The following SEM1 variants were observed in gnomAD, a reference collection of about 807,000 sequenced individuals.
The protein encoded by SEM1 is SEM1 26S proteasome subunit, also known as 26S proteasome complex subunit SEM1.
SEM1 carries 3 observed loss-of-function variants against 12.7 expected under a neutral mutation model. The ratio of observed to expected loss-of-function variants is 0.24; its 90% CI spans 0.11 to 0.61. The LOEUF is 0.61. Ranked by LOEUF, SEM1 falls within the 20% of genes least tolerant of loss-of-function variation. The pLI is 0.88. For synonymous variants in SEM1, 30 were observed against 27.8 expected, an observed-to-expected ratio of 1.08 and a Z score of -0.25; for missense variants, 59 against 81.3, an observed-to-expected ratio of 0.73 and a Z score of 1.06.
chr7:96,606,840 G>C (rs918996338), intron 2 of SEM1, among the ~76,000 whole-genome samples: 7 of 152,028 alleles, frequency 4.6e-5, no homozygotes, highest in African/African-American at 1.7e-4. Context: ...AGTCTGCATG[G>C]AGCTTATTTG....
At chr7:96,592,039 A>G (rs1280731124) in intron 2 of SEM1, among the ~76,000 whole-genome samples, 3 of 152,094 alleles carry the variant, frequency 2.0e-5, no homozygotes, top group Non-Finnish European at 4.4e-5. Flanking sequence ...GGTGCTGACA[A>G]GAGGGGATGC....
chr7:96,686,394 C>T (rs1433957787), downstream of SEM1, among the ~76,000 whole-genome samples: 7 of 152,178 alleles, frequency 4.6e-5, no homozygotes, highest in African/African-American at 1.7e-4. Flanking sequence ...TGCTCAACTC[C>T]TATGAGGTTT....
intron 2 of SEM1, among the ~76,000 whole-genome samples, chr7:96,677,694 CATT>C (rs1050583599): frequency 1.4e-4 from 22 of 151,962 alleles, no homozygotes; most frequent in South Asian, 6.3e-4. Flanking sequence ...TTTTCCTCAT[CATT>C]ATTATCTCTT....
intron 2 of SEM1, among the ~76,000 whole-genome samples, chr7:96,557,149 G>A (rs1428730834): frequency 2.0e-5 from 3 of 150,826 alleles, no homozygotes; most frequent in East Asian, 2.0e-4. Context: ...TCCTCCCGTA[G>A]CTCAGAGTAA....
At chr7:96,619,352 C>T (rs1754338340), downstream of SEM1, among the ~76,000 whole-genome samples, 1 of 152,130 alleles carries the variant, frequency 6.6e-6, no homozygotes, top group African/African-American at 2.4e-5. Context: ...ATAACTTCTT[C>T]AGCGGTACAC....
intron 2 of SEM1, among the ~76,000 whole-genome samples, chr7:96,655,685 A>G (rs1230283737): frequency 1.3e-5 from 2 of 151,996 alleles, no homozygotes; most frequent in East Asian, 3.9e-4. Flanking sequence ...ATCGCTCCCA[A>G]AACTGTCCCC....
At chr7:96,669,744 T>C (rs896061702), downstream of SEM1, among the ~76,000 whole-genome samples, 38 of 152,216 alleles carry the variant, frequency 2.5e-4, no homozygotes, top group African/African-American at 9.2e-4. Context: ...TGAACCCACT[T>C]GAGAATCACA....
chr7:96,595,925 G>C (rs1031440243), intron 2 of SEM1, among the ~76,000 whole-genome samples: 2 of 152,106 alleles, frequency 1.3e-5, no homozygotes, highest in African/African-American at 4.8e-5. Context: ...GAGGTGTGTA[G>C]CCCTGTTACA....
At chr7:96,611,380 C>T (rs1807534573) in intron 2 of SEM1, among the ~76,000 whole-genome samples, 2 of 152,152 alleles carry the variant, frequency 1.3e-5, no homozygotes, top group Non-Finnish European at 2.9e-5. Context: ...GAAAGTCTCT[C>T]CTCTCCTACA....
chr7:96,699,546 T>G (rs1790205719), intron 1 of SEM1, among the ~76,000 whole-genome samples: 1 of 152,198 alleles, frequency 6.6e-6, no homozygotes, highest in African/African-American at 2.4e-5. Flanking sequence ...CCACCTGCAT[T>G]TGCAACTACT....
chr7:96,514,788 C>T (rs1804038207), intron 2 of SEM1, among the ~76,000 whole-genome samples: 1 of 152,146 alleles, frequency 6.6e-6, no homozygotes, highest in Non-Finnish European at 1.5e-5. Context: ...AAAAGACATA[C>T]TATGTTCATA....
intron 1 of SEM1, among the ~76,000 whole-genome samples, chr7:96,492,541 C>T (rs942307886): frequency 6.6e-5 from 10 of 150,622 alleles, no homozygotes; most frequent in African/African-American, 2.0e-4. Context: ...TTCTGAGCGG[C>T]TGGGACTACA....
At position 96,689,134 on chromosome 7, in the gene SEM1, T is replaced by C. The variant is rs1789850063; in HGVS notation, c.171-168A>G. Among the ~76,000 whole-genome samples, 2 of 152,124 alleles carry C rather than the reference T, an allele frequency of 1.3e-5. 1 individual carries two copies. On this transcript the variant is annotated intron_variant, in intron 2 of 2. Coordinates refer to ENST00000248566, the MANE Select transcript of SEM1 (RefSeq NM_006304.2). ...GAAAAAAAAACATAAGAAAATTGGA[T>C]ATGAGTCAATATAATACTATAAAAT...
chr7:96,485,577 C>G, intron 2 of SEM1, among the ~76,000 whole-genome samples: 1 of 125,162 alleles, frequency 8.0e-6, no homozygotes, highest in Non-Finnish European at 1.6e-5. Context: ...GAGTCTCACT[C>G]TATTGCCCAG....
intron 2 of SEM1, among the ~76,000 whole-genome samples, chr7:96,560,455 T>C (rs1190026039): frequency 6.6e-6 from 1 of 152,184 alleles, no homozygotes. Context: ...GTACAATTAA[T>C]GTCTTTTAGT....
upstream of SEM1, among the ~76,000 whole-genome samples, chr7:96,497,505 C>A (rs1044637808): frequency 2.0e-5 from 3 of 152,102 alleles, no homozygotes; most frequent in African/African-American, 7.2e-5. Context: ...ATACATAAAC[C>A]TGTATAGTCT....
intron 2 of SEM1, among the ~76,000 whole-genome samples, chr7:96,550,921 A>G (rs1381781057): frequency 6.6e-6 from 1 of 152,220 alleles, no homozygotes; most frequent in Non-Finnish European, 1.5e-5. Flanking sequence ...TTGAAGTGTA[A>G]TGGAAAGAAG....
At chr7:96,586,516 C>T (rs1042290543) in intron 2 of SEM1, among the ~76,000 whole-genome samples, 4 of 152,194 alleles carry the variant, frequency 2.6e-5, no homozygotes, top group African/African-American at 9.7e-5. Flanking sequence ...CCTCTCAATC[C>T]ACACTGGGTC....
At chr7:96,554,181 C>G (rs879847322) in intron 2 of SEM1, among the ~76,000 whole-genome samples, 6 of 145,904 alleles carry the variant, frequency 4.1e-5, no homozygotes, top group East Asian at 4.0e-4. Context: ...ATTGAATACC[C>G]TTTATTTCCT....
Sources: gnomAD v4.1 joint callset for allele counts (sites outside exome capture counted in the v4.1 genomes callset) on GRCh38, gnomAD v4.1.1 for gene constraint, MANE v1.5 for transcripts, NCBI Gene and HGNC (gene_info 2026-07-23, HGNC 2026-07-21) for gene names.